Variants in USP37 observed in about 807,000 individuals in gnomAD.
USP37 encodes ubiquitin carboxyl-terminal hydrolase 37.
A neutral mutation model predicts 124.0 loss-of-function variants in USP37; 27 were observed. The ratio of observed to expected loss-of-function variants is 0.22; its 90% CI spans 0.16 to 0.30. The LOEUF is 0.30. Ranked by LOEUF, USP37 falls within the 10% of genes least tolerant of loss-of-function variation. USP37 has a pLI of 1.00. For missense variants in USP37, 889 were observed against 1,140.4 expected (o/e 0.78, Z 3.17); for synonymous variants, 365 against 388.0 (o/e 0.94, Z 0.70).
At position 218,474,669 on chromosome 2, in the gene USP37, T is replaced by C. The variant is rs1690866516; in HGVS notation, c.2260A>G (p.Thr754Ala). The C allele has an allele frequency of 2.5e-6, 4 of 1,614,220 alleles. No homozygotes were observed. The highest frequency in any genetic ancestry group is 1.6e-4 in the Middle Eastern group (1 of 6,062). The change falls in exon 20 of 26, where the codon ACT becomes GCT. Residue 754 changes from threonine (T) to alanine (A), a missense_variant. Coordinates refer to ENST00000258399, the MANE Select transcript of USP37 (RefSeq NM_020935.3). ...DIQEMPENPD[T>A]METEKPKTIT... ...GTTTTGGGCTTCTCAGTTTCCATAG[T>C]GTCTGGATTTTCTGGCATTTCTTGA...
intron 5 of USP37, among the ~76,000 whole-genome samples, chr2:218,551,624 C>G (rs943641450): frequency 2.7e-4 from 41 of 152,218 alleles, no homozygotes; most frequent in African/African-American, 9.2e-4. Flanking sequence ...GGTCCCCAGA[C>G]AGTATATTGT....
chr2:218,545,912 C>G (rs1033008885), intron 8 of USP37, among the ~76,000 whole-genome samples: 6 of 151,962 alleles, frequency 3.9e-5, no homozygotes, highest in Admixed American at 3.9e-4. Context: ...AGAAGGGGTT[C>G]ACACTAAAAC....
intron 10 of USP37, among the ~76,000 whole-genome samples, chr2:218,514,923 C>T (rs888396996): frequency 7.2e-5 from 11 of 152,210 alleles, no homozygotes; most frequent in East Asian, 5.8e-4. Context: ...ATTATCATTT[C>T]GTAACTATAA....
intron 9 of USP37, among the ~76,000 whole-genome samples, chr2:218,531,731 A>T (rs987614863): frequency 1.3e-5 from 2 of 152,236 alleles, no homozygotes; most frequent in Admixed American, 1.3e-4. Flanking sequence ...CAAAATAGCA[A>T]CCATAACAGG....
In USP37 at chr2:218,453,002, C is replaced by T. The variant is rs1347247357; in HGVS notation, c.*1928G>A. 6.6e-6 allele frequency: 1 copy of T among 152,056 alleles called. No homozygotes were observed. The highest frequency in any genetic ancestry group is 1.5e-5 in the Non-Finnish European group (1 of 68,042). 9.4% of individuals were successfully genotyped at this position (152,056 alleles called of 1,614,324 possible). A position where few individuals can be genotyped will look rare whatever the true frequency, so the allele number is the denominator to read the frequency against. ...AAATATTTTCCTCTGCTCTAAACTA[C>T]TCTGGCGTTTTCTACCACTCTACCA... On this transcript the variant is annotated 3_prime_UTR_variant, in exon 26 of 26. Transcript: ENST00000258399.
intron 10 of USP37, among the ~76,000 whole-genome samples, chr2:218,516,683 G>A (rs1002376697): frequency 2.0e-5 from 3 of 152,106 alleles, no homozygotes; most frequent in Non-Finnish European, 4.4e-5. Context: ...CATTCTGCAT[G>A]TGTCCCAGAA....
chr2:218,553,446 G>T, intron 5 of USP37, 107 bp downstream of exon 5: 1 of 1,045,140 alleles, frequency 9.6e-7, no homozygotes, highest in Non-Finnish European at 1.3e-6. Flanking sequence ...TGCTCATGGT[G>T]TATAATCCTT....
intron 22 of USP37, among the ~76,000 whole-genome samples, chr2:218,462,521 G>A (rs951456609): frequency 1.1e-4 from 16 of 152,176 alleles, no homozygotes; most frequent in African/African-American, 2.9e-4. Flanking sequence ...CAAATGCTAC[G>A]ACATGTGAAC....
At chr2:218,541,840 G>A (rs930780028) in intron 8 of USP37, among the ~76,000 whole-genome samples, 2 of 152,186 alleles carry the variant, frequency 1.3e-5, no homozygotes, top group Non-Finnish European at 2.9e-5. Flanking sequence ...AGTGGACAAT[G>A]GTGACGCTCC....
At chr2:218,536,017 C>CAAAAAAAAAAAAAAAAAAAAAAAAA (rs59248363) in intron 8 of USP37, among the ~76,000 whole-genome samples, 1 of 80,832 alleles carries the variant, frequency 1.2e-5, no homozygotes, top group South Asian at 5.6e-4. Flanking sequence ...GACTTCATCT[C>CAAAAAAAAAAAAAAAAAAAAAAAAA]AAAAAAAAAA....
At chr2:218,556,507 T>TG (rs1559229525) in intron 4 of USP37, among the ~76,000 whole-genome samples, 4 of 129,656 alleles carry the variant, frequency 3.1e-5, no homozygotes, top group Non-Finnish European at 6.6e-5. Flanking sequence ...TTTTCTGTTT[T>TG]TTTTTTTTTT....
intron 22 of USP37, among the ~76,000 whole-genome samples, chr2:218,461,930 G>T (rs1267096169): frequency 6.6e-6 from 1 of 152,234 alleles, no homozygotes; most frequent in East Asian, 1.9e-4. Context: ...GCCAACGCAG[G>T]TGGATCACCT....
chr2:218,547,531 A>G (rs1177762681), intron 6 of USP37, among the ~76,000 whole-genome samples: 1 of 144,822 alleles, frequency 6.9e-6, no homozygotes, highest in Non-Finnish European at 1.5e-5. Context: ...AAACTTAAAA[A>G]CTCCACAGCA....
chr2:218,549,666 T>G (rs569377137), intron 6 of USP37, 143 bp downstream of exon 6: 4 of 565,458 alleles, frequency 7.1e-6, no homozygotes, highest in Non-Finnish European at 1.2e-5. Context: ...GGTTTCACCA[T>G]GTTGGCCAGG....
intron 11 of USP37, among the ~76,000 whole-genome samples, chr2:218,498,680 T>G (rs1689201411): frequency 6.6e-6 from 1 of 152,126 alleles, no homozygotes; most frequent in African/African-American, 2.4e-5. Context: ...TGAGCCAAGA[T>G]TGTGCCATTG....
chr2:218,518,524 TAAGA>T (rs1192707663), intron 10 of USP37, among the ~76,000 whole-genome samples: 9 of 152,204 alleles, frequency 5.9e-5, no homozygotes, highest in African/African-American at 1.9e-4. Context: ...CAGGTAGTAC[TAAGA>T]AAGAAAAAAC....
At chr2:218,503,227 G>A (rs1393007742) in intron 11 of USP37, among the ~76,000 whole-genome samples, 1 of 152,154 alleles carries the variant, frequency 6.6e-6, no homozygotes, top group Admixed American at 6.5e-5. Context: ...CACAAAAGAA[G>A]AGCACTTAAA....
At chr2:218,507,338 A>C (rs1689734312) in intron 11 of USP37, among the ~76,000 whole-genome samples, 1 of 150,570 alleles carries the variant, frequency 6.6e-6, no homozygotes, top group Non-Finnish European at 1.5e-5. Context: ...TTGTATTTTT[A>C]GTACAGACAG....
intron 19 of USP37, among the ~76,000 whole-genome samples, chr2:218,476,524 G>T (rs770674369): frequency 3.9e-5 from 6 of 151,972 alleles, no homozygotes; most frequent in African/African-American, 1.5e-4. Flanking sequence ...GTGGTGAGCC[G>T]TGATTACACC....
Sources: gnomAD v4.1 joint callset for allele counts (sites outside exome capture counted in the v4.1 genomes callset) on GRCh38, gnomAD v4.1.1 for gene constraint, MANE v1.5 for transcripts, NCBI Gene and HGNC (gene_info 2026-07-23, HGNC 2026-07-21) for gene names.